ZNF407: variants seen among roughly 807,000 people sequenced by gnomAD.
ZNF407 encodes zinc finger protein 407.
In ZNF407, 17 loss-of-function variants were observed where a neutral mutation model predicts 131.2. The observed-to-expected ratio is 0.13, with a 90% CI of 0.09 to 0.19. The LOEUF (loss-of-function observed/expected upper bound fraction) is 0.19. Among genes scored for constraint, ZNF407 ranks in the 10% least tolerant of loss-of-function variants. The pLI is 1.00. For missense variants in ZNF407, 2,681 were observed against 2,830.6 expected, an observed-to-expected ratio of 0.95 and a Z score of 1.20; for synonymous variants, 1,156 against 1,062.0, an observed-to-expected ratio of 1.09 and a Z score of -1.72.
intron 2 of ZNF407, among the ~76,000 whole-genome samples, chr18:74,639,519 A>G (rs1265101191): frequency 1.3e-5 from 2 of 152,190 alleles, no homozygotes; most frequent in Non-Finnish European, 2.9e-5. Context: ...CATTTAAATA[A>G]ACTGTATTTT....
At chr18:74,743,454 A>T (rs556370884) in intron 3 of ZNF407, among the ~76,000 whole-genome samples, 1 of 152,088 alleles carries the variant, frequency 6.6e-6, no homozygotes, top group African/African-American at 2.4e-5. Context: ...ATATGATGGT[A>T]ATGTCTAACT....
intron 3 of ZNF407, among the ~76,000 whole-genome samples, chr18:74,752,043 G>A (rs183381038): frequency 3.5e-4 from 53 of 152,278 alleles, no homozygotes; most frequent in Admixed American, 3.1e-3. Context: ...GTTGTTGCCT[G>A]ACTTTTTAAA....
Position 74,860,959 on chromosome 18 carries a change from G to A in ZNF407, c.4878-16238G>A, listed in dbSNP as rs138509062. On this transcript the variant is annotated intron_variant, in intron 4 of 8. Coordinates refer to ENST00000299687, the MANE Select transcript of ZNF407 (RefSeq NM_017757.3). ...TTATTTCTGAATGATTTCTGAGGTC[G>A]TACTACAAATATGGACACATGAATA... 4.8e-4 allele frequency among the ~76,000 whole-genome samples: 73 copies of A among 152,130 alleles called. 1 individual carries two copies. The highest frequency in any genetic ancestry group is 3.3e-3 in the East Asian group (17 of 5,180).
intron 3 of ZNF407, among the ~76,000 whole-genome samples, chr18:74,740,339 G>C (rs1413877520): frequency 6.6e-6 from 1 of 152,138 alleles, no homozygotes; most frequent in Non-Finnish European, 1.5e-5. Context: ...AGGTAATTCA[G>C]GTAAATCTTC....
At chr18:74,718,596 A>G (rs1459058585) in intron 3 of ZNF407, among the ~76,000 whole-genome samples, 1 of 152,074 alleles carries the variant, frequency 6.6e-6, no homozygotes, top group African/African-American at 2.4e-5. Flanking sequence ...TCCTGTGCTC[A>G]AGTGATCTCC....
At chr18:74,609,357 C>G (rs1288783315) in intron 1 of ZNF407, among the ~76,000 whole-genome samples, 1 of 152,132 alleles carries the variant, frequency 6.6e-6, no homozygotes, top group African/African-American at 2.4e-5. Context: ...TGCTACACAC[C>G]TGGGCTATAT....
At chr18:74,708,664 G>A (rs1305070159) in intron 3 of ZNF407, among the ~76,000 whole-genome samples, 2 of 152,228 alleles carry the variant, frequency 1.3e-5, no homozygotes, top group East Asian at 1.9e-4. Flanking sequence ...GCAGCCTGGT[G>A]TGATGGCAGG....
At chr18:74,891,874 G>A (rs937859680) in intron 7 of ZNF407, among the ~76,000 whole-genome samples, 1 of 151,914 alleles carries the variant, frequency 6.6e-6, no homozygotes, top group Non-Finnish European at 1.5e-5. Flanking sequence ...TTTTATTACT[G>A]TTGTTGGCGG....
Position 74,915,497 on chromosome 18 carries a change from TTCATG to T in ZNF407, c.5250-5016_5250-5012del, listed in dbSNP as rs1971741063. On this transcript the variant is annotated intron_variant, in intron 7 of 8. Coordinates refer to ENST00000299687, the MANE Select transcript of ZNF407 (RefSeq NM_017757.3). ...TCGGGAGTGTGTGTGTGTGTGTGTG[TTCATG>T]CATGTGTGTGCTGGTATGGTGAGGT... Among the ~76,000 whole-genome samples, 5 of 50,130 alleles carry T rather than the reference TTCATG, an allele frequency of 1.0e-4. No individual in the cohort carries two copies. In the South Asian group the frequency reaches 1.9e-3, roughly 19 times the overall value. 32.9% of individuals were successfully genotyped at this position (50,130 alleles called of 152,430 possible).
chr18:74,618,121 G>A (rs1983391937), intron 1 of ZNF407, among the ~76,000 whole-genome samples: 1 of 152,152 alleles, frequency 6.6e-6, no homozygotes, highest in Non-Finnish European at 1.5e-5. Context: ...TGCTCCAATT[G>A]TCCGAGATTT....
chr18:74,872,891 A>T (rs1971107886), intron 4 of ZNF407, among the ~76,000 whole-genome samples: 1 of 152,084 alleles, frequency 6.6e-6, no homozygotes, highest in Non-Finnish European at 1.5e-5. Context: ...TTTTTCATTA[A>T]GTTTTTAATA....
chr18:74,623,211 T>G (rs1983628145), intron 1 of ZNF407, among the ~76,000 whole-genome samples: 1 of 151,824 alleles, frequency 6.6e-6, no homozygotes, highest in African/African-American at 2.4e-5. Flanking sequence ...TCTGTGAATA[T>G]GTGACTGCGT....
intron 4 of ZNF407, among the ~76,000 whole-genome samples, chr18:74,858,656 C>T (rs1473394995): frequency 1.3e-5 from 2 of 152,198 alleles, no homozygotes; most frequent in South Asian, 2.1e-4. Context: ...CTGCCCTGTT[C>T]AGTCATCTTC....
intron 3 of ZNF407, among the ~76,000 whole-genome samples, chr18:74,665,105 C>T (rs1397108964): frequency 6.6e-6 from 1 of 152,164 alleles, no homozygotes; most frequent in South Asian, 2.1e-4. Flanking sequence ...AAATAGTGAA[C>T]AGTAAATTCA....
chr18:74,670,927 G>C (rs1296880693), intron 3 of ZNF407, among the ~76,000 whole-genome samples: 1 of 152,192 alleles, frequency 6.6e-6, no homozygotes, highest in Non-Finnish European at 1.5e-5. Context: ...CTGCTTCCCA[G>C]CTTGCTGGGA....
intron 7 of ZNF407, among the ~76,000 whole-genome samples, chr18:74,892,914 C>T (rs1459702362): frequency 1.3e-5 from 2 of 151,994 alleles, no homozygotes; most frequent in Non-Finnish European, 2.9e-5. Context: ...TCTAGAAGCA[C>T]GATTTAAGGC....
chr18:74,789,181 G>A lies in ZNF407; in HGVS notation c.4877+7679G>A, dbSNP rs147085311. Reference sequence around the variant, plus strand: ...GATTGAGGATGCTATTCCAGGGAGTGTCTGGGAGAGGTACTACTTTAGGAT... The same window carrying A: ...GATTGAGGATGCTATTCCAGGGAGTATCTGGGAGAGGTACTACTTTAGGAT... On this transcript the variant is annotated intron_variant, in intron 4 of 8. Coordinates refer to ENST00000299687, the MANE Select transcript of ZNF407 (RefSeq NM_017757.3). Among the ~76,000 whole-genome samples the A allele has an allele frequency of 2.3e-3, 356 of 152,262 alleles. 3 individuals are homozygous for A. The highest frequency in any genetic ancestry group is 8.2e-3 in the African/African-American group (340 of 41,556).
At chr18:74,656,853 C>G (rs1235267898) in intron 3 of ZNF407, among the ~76,000 whole-genome samples, 1 of 152,204 alleles carries the variant, frequency 6.6e-6, no homozygotes, top group Non-Finnish European at 1.5e-5. Context: ...AATCCCATCA[C>G]TTAATGTATT....
chr18:74,677,883 C>T (rs1012942119), intron 3 of ZNF407, among the ~76,000 whole-genome samples: 3 of 151,934 alleles, frequency 2.0e-5, no homozygotes, highest in Admixed American at 1.3e-4. Context: ...GTGCAGTGGC[C>T]GATTTTGGCT....
Sources: allele counts gnomAD v4.1 joint callset (sites outside exome capture counted in the v4.1 genomes callset), GRCh38; gene constraint gnomAD v4.1.1; transcripts MANE v1.5; gene names NCBI Gene and HGNC (gene_info 2026-07-23, HGNC 2026-07-21).